RBFOX1: variants seen among roughly 807,000 people sequenced by gnomAD.
RBFOX1 encodes the protein RNA binding fox-1 homolog 1.
Under a neutral mutation model 57.7 loss-of-function variants are expected in RBFOX1, and 8 were observed. The observed-to-expected ratio is 0.14, with a 90% CI of 0.08 to 0.25. The LOEUF is 0.25. RBFOX1 is among the 10% of genes least tolerant of loss of function. RBFOX1 has a pLI of 1.00. For missense variants in RBFOX1, 611 were observed against 548.5 expected (o/e 1.11, Z -1.14); for synonymous variants, 326 against 222.4 (o/e 1.47, Z -4.15).
At chr16:7,701,574 C>G (rs1167849836) in intron 14 of RBFOX1, among the ~76,000 whole-genome samples, 1 of 152,156 alleles carries the variant, frequency 6.6e-6, no homozygotes, top group Non-Finnish European at 1.5e-5. Flanking sequence ...AAACTGGTCC[C>G]TGGTGCCAAG....
intron 4 of RBFOX1, chr16:7,304,139 G>A (rs915914090): frequency 1.1e-4 from 101 of 911,126 alleles, no homozygotes; most frequent in Non-Finnish European, 1.3e-4. Context: ...GGCGGGGAGA[G>A]CCAGGGAGGA....
At chr16:7,561,753 C>T (rs970019244) in intron 5 of RBFOX1, among the ~76,000 whole-genome samples, 8 of 152,170 alleles carry the variant, frequency 5.3e-5, no homozygotes, top group African/African-American at 4.8e-5. Context: ...GAGATCAGTG[C>T]CATCTTAAAT....
At chr16:5,364,120 G>C (rs925984181) in intron 1 of RBFOX1, among the ~76,000 whole-genome samples, 2 of 152,206 alleles carry the variant, frequency 1.3e-5, no homozygotes, top group African/African-American at 4.8e-5. Flanking sequence ...GGTGTCAAAG[G>C]AGGTTTTGAA....
chr16:7,036,310 C>T (rs569191117), intron 3 of RBFOX1, among the ~76,000 whole-genome samples: 1 of 151,840 alleles, frequency 6.6e-6, no homozygotes, highest in Non-Finnish European at 1.5e-5. Context: ...CTAAAACTTT[C>T]AGAAGCAGTA....
intron 1 of RBFOX1, among the ~76,000 whole-genome samples, chr16:6,280,595 C>T (rs374266716): frequency 7.9e-5 from 12 of 152,144 alleles, no homozygotes; most frequent in East Asian, 3.9e-4. Flanking sequence ...AATGTAATGT[C>T]GCAGTACTCA....
chr16:5,906,978 C>A (rs1844437583), intron 4 of RBFOX1, among the ~76,000 whole-genome samples: 1 of 151,962 alleles, frequency 6.6e-6, no homozygotes, highest in Admixed American at 6.6e-5. Context: ...CTCAGGTGAT[C>A]CACCTGCCTC....
chr16:5,729,208 A>G (rs1200327184), intron 3 of RBFOX1, among the ~76,000 whole-genome samples: 1 of 152,164 alleles, frequency 6.6e-6, no homozygotes, highest in East Asian at 1.9e-4. Context: ...TCTAAGCTTC[A>G]GTTTGTAGTC....
intron 4 of RBFOX1, among the ~76,000 whole-genome samples, chr16:5,966,503 G>C (rs535957172): frequency 6.4e-4 from 98 of 152,302 alleles, no homozygotes; most frequent in Middle Eastern, 3.4e-3. Context: ...AGTCCCCCAG[G>C]CTGGAGCGCA....
chr16:5,353,086 T>C (rs2065299658), intron 1 of RBFOX1, among the ~76,000 whole-genome samples: 1 of 152,094 alleles, frequency 6.6e-6, no homozygotes. Context: ...AAGACTTCTT[T>C]GTTCAGGCTG....
intron 1 of RBFOX1, among the ~76,000 whole-genome samples, chr16:5,448,675 G>A (rs2068327771): frequency 6.6e-6 from 1 of 152,166 alleles, no homozygotes; most frequent in African/African-American, 2.4e-5. Flanking sequence ...TGGCTACCGT[G>A]TAGCAGAGCT....
At chr16:6,794,989 A>G (rs1285559732) in intron 3 of RBFOX1, among the ~76,000 whole-genome samples, 1 of 152,182 alleles carries the variant, frequency 6.6e-6, no homozygotes, top group East Asian at 1.9e-4. Flanking sequence ...AGTGAGGGCT[A>G]AAATTCACAT....
intron 3 of RBFOX1, among the ~76,000 whole-genome samples, chr16:5,770,012 G>A (rs1304649952): frequency 2.0e-5 from 3 of 152,180 alleles, no homozygotes; most frequent in Non-Finnish European, 4.4e-5. Context: ...GAGGGTGGAG[G>A]CAGATAGAAG....
At chr16:6,362,612 G>GAT (rs2088786561) in intron 2 of RBFOX1, among the ~76,000 whole-genome samples, 1 of 152,178 alleles carries the variant, frequency 6.6e-6, no homozygotes, top group African/African-American at 2.4e-5. Context: ...AAGGTAGAGG[G>GAT]CAGAGTAAAT....
chr16:5,357,295 A>G (rs941719838), intron 1 of RBFOX1, among the ~76,000 whole-genome samples: 1 of 152,222 alleles, frequency 6.6e-6, no homozygotes, highest in African/African-American at 2.4e-5. Context: ...AGAGACCTGT[A>G]ATCAAATATG....
At chr16:5,773,044 G>A (rs1002185108) in intron 3 of RBFOX1, among the ~76,000 whole-genome samples, 4 of 152,132 alleles carry the variant, frequency 2.6e-5, no homozygotes, top group Admixed American at 6.5e-5. Flanking sequence ...ATGAAGTTGC[G>A]GAGGGGCAGG....
intron 3 of RBFOX1, among the ~76,000 whole-genome samples, chr16:5,709,618 A>G (rs2051377023): frequency 6.6e-6 from 1 of 151,038 alleles, no homozygotes; most frequent in African/African-American, 2.4e-5. Flanking sequence ...ATCATTAGCT[A>G]GGTGTGTCAG....
At chr16:5,363,946 C>G (rs2065630831) in intron 1 of RBFOX1, among the ~76,000 whole-genome samples, 1 of 152,198 alleles carries the variant, frequency 6.6e-6, no homozygotes, top group Admixed American at 6.5e-5. Context: ...CAGCTGGTCT[C>G]TGCTTTGCCA....
chr16:5,842,478 G>A (rs1437900544), intron 3 of RBFOX1, among the ~76,000 whole-genome samples: 1 of 152,160 alleles, frequency 6.6e-6, no homozygotes, highest in African/African-American at 2.4e-5. Context: ...AGCACCTACT[G>A]CATGCCTGCC....
intron 4 of RBFOX1, among the ~76,000 whole-genome samples, chr16:7,105,604 C>G (rs1319947253): frequency 6.6e-6 from 1 of 152,052 alleles, no homozygotes; most frequent in Non-Finnish European, 1.5e-5. Flanking sequence ...CTGAGTTAGT[C>G]TGCAATCTCA....
Sources: allele counts gnomAD v4.1 joint callset (sites outside exome capture counted in the v4.1 genomes callset), GRCh38; gene constraint gnomAD v4.1.1; transcripts MANE v1.5; gene names NCBI Gene and HGNC (gene_info 2026-07-23, HGNC 2026-07-21).